The following STX8 variants were observed in gnomAD, a reference collection of about 807,000 sequenced individuals.
STX8 encodes the protein syntaxin-8.
In STX8, 23 loss-of-function variants were observed where a neutral mutation model predicts 37.5. The ratio of observed to expected loss-of-function variants is 0.61; its 90% CI spans 0.44 to 0.87. STX8 has a LOEUF of 0.87. Ranked by LOEUF, STX8 falls within the 40% of genes least tolerant of loss-of-function variation. The probability of loss-of-function intolerance (pLI) is 0.00; values close to 1 mark genes in which losing one functional copy is unlikely to be tolerated. For missense variants in STX8, 313 were observed against 284.7 expected (o/e 1.10, Z -0.71); for synonymous variants, 115 against 99.1 (o/e 1.16, Z -0.95).
At chr17:9,425,259 T>C (rs1415265238) in intron 6 of STX8, among the ~76,000 whole-genome samples, 1 of 152,190 alleles carries the variant, frequency 6.6e-6, no homozygotes, top group Non-Finnish European at 1.5e-5. Flanking sequence ...GTAGTCATCG[T>C]TCAACAAAAT....
chr17:9,283,538 T>TCAAA (rs775686115), intron 7 of STX8, among the ~76,000 whole-genome samples: 6 of 152,208 alleles, frequency 3.9e-5, no homozygotes, highest in Non-Finnish European at 8.8e-5. Flanking sequence ...AGACTCCATC[T>TCAAA]CAAACAAACA....
At chr17:9,533,297 G>A (rs555076008) in intron 4 of STX8, among the ~76,000 whole-genome samples, 29 of 152,144 alleles carry the variant, frequency 1.9e-4, no homozygotes, top group South Asian at 1.7e-3. Context: ...GTCAAACCCC[G>A]TCTCTAATAA....
At chr17:9,428,276 C>A (rs972749502) in intron 6 of STX8, among the ~76,000 whole-genome samples, 1 of 152,200 alleles carries the variant, frequency 6.6e-6, no homozygotes, top group Non-Finnish European at 1.5e-5. Context: ...GAGTCTCACT[C>A]TGTCTCCAGC....
At chr17:9,485,265 T>C (rs530648111) in intron 6 of STX8, among the ~76,000 whole-genome samples, 1 of 152,124 alleles carries the variant, frequency 6.6e-6, no homozygotes, top group African/African-American at 2.4e-5. Context: ...GGCCCAGAGG[T>C]ATGAACAGAC....
At chr17:9,271,062 C>T (rs1426267440) in intron 7 of STX8, among the ~76,000 whole-genome samples, 1 of 152,144 alleles carries the variant, frequency 6.6e-6, no homozygotes, top group Non-Finnish European at 1.5e-5. Flanking sequence ...AAGACATTAC[C>T]AAAAATCACC....
chr17:9,505,430 T>G (rs1904787233), intron 4 of STX8, among the ~76,000 whole-genome samples: 1 of 152,132 alleles, frequency 6.6e-6, no homozygotes, highest in Non-Finnish European at 1.5e-5. Context: ...CCAAGAGATG[T>G]TTGAGTTAAT....
chr17:9,428,118 T>G (rs1400809119), intron 6 of STX8, among the ~76,000 whole-genome samples: 1 of 152,174 alleles, frequency 6.6e-6, no homozygotes, highest in African/African-American at 2.4e-5. Flanking sequence ...AAGTCTCCCA[T>G]TTCTAAAAAC....
intron 7 of STX8, among the ~76,000 whole-genome samples, chr17:9,251,828 G>A (rs1458589162): frequency 2.0e-5 from 3 of 152,184 alleles, no homozygotes; most frequent in Admixed American, 1.3e-4. Flanking sequence ...CAACCCATGT[G>A]GGCACTGCAC....
chr17:9,396,621 A>T (rs1912412660), intron 6 of STX8, among the ~76,000 whole-genome samples: 1 of 146,830 alleles, frequency 6.8e-6, no homozygotes, highest in Non-Finnish European at 1.5e-5. Context: ...GAGGCAGGAG[A>T]TTCGCTTGAA....
chr17:9,371,786 A>T (rs148337719), intron 7 of STX8, among the ~76,000 whole-genome samples: 1 of 152,100 alleles, frequency 6.6e-6, no homozygotes, highest in Non-Finnish European at 1.5e-5. Flanking sequence ...GTTACTTATT[A>T]TAGTTTTCGG....
At chr17:9,436,391 G>A (rs1904434123) in intron 6 of STX8, among the ~76,000 whole-genome samples, 1 of 151,266 alleles carries the variant, frequency 6.6e-6, no homozygotes, top group Non-Finnish European at 1.5e-5. Context: ...CCAAAAGAGA[G>A]ATAACCATAA....
chr17:9,322,383 G>A (rs1909603340), intron 7 of STX8, among the ~76,000 whole-genome samples: 1 of 152,220 alleles, frequency 6.6e-6, no homozygotes, highest in Admixed American at 6.5e-5. Flanking sequence ...TCAAGGATTT[G>A]CACAGCAGAA....
intron 6 of STX8, among the ~76,000 whole-genome samples, chr17:9,395,836 G>A (rs1912381612): frequency 6.6e-6 from 1 of 152,148 alleles, no homozygotes; most frequent in South Asian, 2.1e-4. Context: ...TGTATAGCCA[G>A]ACACAATTAG....
intron 6 of STX8, among the ~76,000 whole-genome samples, chr17:9,429,165 T>G (rs537230338): frequency 6.6e-6 from 1 of 151,764 alleles, no homozygotes; most frequent in East Asian, 1.9e-4. Context: ...GCCACAAATT[T>G]ACCCATTTAA....
intron 4 of STX8, among the ~76,000 whole-genome samples, chr17:9,510,634 A>G (rs888266171): frequency 6.6e-6 from 1 of 152,166 alleles, no homozygotes; most frequent in Non-Finnish European, 1.5e-5. Flanking sequence ...ACTATGAGGC[A>G]AGTGTATAAC....
intron 5 of STX8, among the ~76,000 whole-genome samples, chr17:9,499,481 C>T (rs958441429): frequency 5.3e-5 from 8 of 152,302 alleles, no homozygotes; most frequent in African/African-American, 1.9e-4. Flanking sequence ...TCACTGCAAC[C>T]TCCGCCTCCC....
At chr17:9,297,582 T>TG (rs1336425065) in intron 7 of STX8, among the ~76,000 whole-genome samples, 1 of 152,228 alleles carries the variant, frequency 6.6e-6, no homozygotes, top group Non-Finnish European at 1.5e-5. Flanking sequence ...AATAAATGTT[T>TG]GTTAGCCGGA....
intron 3 of STX8, among the ~76,000 whole-genome samples, chr17:9,548,853 A>G (rs923259808): frequency 6.6e-6 from 1 of 152,192 alleles, no homozygotes; most frequent in African/African-American, 2.4e-5. Flanking sequence ...ATATGTGTGT[A>G]TATACACACA....
intron 6 of STX8, among the ~76,000 whole-genome samples, chr17:9,426,768 A>C (rs79850666): frequency 0.017 from 2,573 of 152,272 alleles, 36 homozygotes; most frequent in Non-Finnish European, 0.03. Flanking sequence ...TCAAAAAATA[A>C]AGTAAAATAA....
Sources: allele counts gnomAD v4.1 joint callset (sites outside exome capture counted in the v4.1 genomes callset), GRCh38; gene constraint gnomAD v4.1.1; transcripts MANE v1.5; gene names NCBI Gene and HGNC (gene_info 2026-07-23, HGNC 2026-07-21).